Variants in GRIA4 observed in about 807,000 individuals in gnomAD.
GRIA4 encodes glutamate receptor 4.
Under a neutral mutation model 104.0 loss-of-function variants are expected in GRIA4, and 34 were observed. The ratio of observed to expected loss-of-function variants is 0.33; its 90% CI spans 0.25 to 0.44. The LOEUF is 0.44. Ranked by LOEUF, GRIA4 falls within the 20% of genes least tolerant of loss-of-function variation. GRIA4 has a pLI of 1.00. For missense variants in GRIA4, 750 were observed against 1,096.5 expected (o/e 0.68, Z 4.46); for synonymous variants, 386 against 381.9 (o/e 1.01, Z -0.13).
chr11:105,803,597 T>A (rs1317911310), intron 4 of GRIA4, among the ~76,000 whole-genome samples: 1 of 151,952 alleles, frequency 6.6e-6, no homozygotes, highest in Non-Finnish European at 1.5e-5. Flanking sequence ...TAGGCTCTTC[T>A]GAGAAATATT....
intron 14 of GRIA4, among the ~76,000 whole-genome samples, chr11:105,969,500 G>A (rs912795474): frequency 6.6e-6 from 1 of 152,114 alleles, no homozygotes; most frequent in African/African-American, 2.4e-5. Context: ...AGGCCAGAGG[G>A]AAAAAGAAGG....
chr11:105,651,159 G>C (rs1951675472), intron 3 of GRIA4, among the ~76,000 whole-genome samples: 1 of 152,034 alleles, frequency 6.6e-6, no homozygotes. Flanking sequence ...CTTCACAAAA[G>C]ATGAATTTTT....
At chr11:105,856,508 C>A (rs1389114438) in intron 4 of GRIA4, among the ~76,000 whole-genome samples, 2 of 152,056 alleles carry the variant, frequency 1.3e-5, no homozygotes, top group South Asian at 4.1e-4. Flanking sequence ...GGAGAGTTTC[C>A]TGAAGCCTCC....
At chr11:105,615,183 C>G (rs1343474211) in intron 3 of GRIA4, among the ~76,000 whole-genome samples, 1 of 150,994 alleles carries the variant, frequency 6.6e-6, no homozygotes, top group African/African-American at 2.4e-5. Flanking sequence ...AATGTATACT[C>G]AAAAAAAACA....
chr11:105,857,898 A>G (rs543044351), intron 4 of GRIA4, among the ~76,000 whole-genome samples: 1 of 152,292 alleles, frequency 6.6e-6, no homozygotes, highest in African/African-American at 2.4e-5. Flanking sequence ...AAACAAAAAC[A>G]TCAAATAAAT....
chr11:105,970,600 A>G (rs11226883), intron 14 of GRIA4, among the ~76,000 whole-genome samples: 41,685 of 152,138 alleles, frequency 0.27, 5,726 homozygotes, highest in Non-Finnish European at 0.29. Context: ...TTTAGCTGTC[A>G]TGATCACCAT....
chr11:105,753,582 C>A (rs971934974), intron 4 of GRIA4, among the ~76,000 whole-genome samples: 1 of 152,116 alleles, frequency 6.6e-6, no homozygotes, highest in Non-Finnish European at 1.5e-5. Context: ...AGCTAAGCGA[C>A]CCTCCAGAGC....
At chr11:105,761,657 CTATT>C (rs1417501494) in intron 4 of GRIA4, among the ~76,000 whole-genome samples, 3 of 152,142 alleles carry the variant, frequency 2.0e-5, no homozygotes, top group Non-Finnish European at 4.4e-5. Context: ...TAATAAAACT[CTATT>C]TATCAACACT....
rs191055089 is a variant in GRIA4 at position 105,831,333 on chromosome 11, C to T, written c.488-30691C>T. ...AGTGTGCAAGCACTTAGCAAATCTT[C>T]AATTGCATCTCTCTTAGCTCCATGT... On this transcript the variant is annotated intron_variant, in intron 4 of 16. Transcript: ENST00000282499. Among the ~76,000 whole-genome samples, 7 of 152,074 alleles carry T rather than the reference C, an allele frequency of 4.6e-5. No homozygotes were observed. The East Asian group carries it at 1.2e-3, about 25-fold the overall frequency.
rs368914519 is a variant in GRIA4, at chr11:105,783,636, T to C, written c.487+30416T>C. ...AACATAGTTGACATTTCAAAATACATTGGATATTTTTCACTCACAGACAGT... is the reference window on the plus strand; with the variant it reads ...AACATAGTTGACATTTCAAAATACACTGGATATTTTTCACTCACAGACAGT... On this transcript the variant is annotated intron_variant, in intron 4 of 16. Coordinates refer to ENST00000282499, the MANE Select transcript of GRIA4 (RefSeq NM_000829.4). Among the ~76,000 whole-genome samples the C allele has an allele frequency of 5.9e-5, 9 of 152,256 alleles. No homozygotes were observed. The East Asian group carries it at 1.7e-3, about 29-fold the overall frequency.
intron 4 of GRIA4, among the ~76,000 whole-genome samples, chr11:105,846,129 C>T (rs988597179): frequency 3.3e-5 from 5 of 152,098 alleles, no homozygotes; most frequent in African/African-American, 1.2e-4. Context: ...AGAAAAATTT[C>T]CTGACCTAAC....
At chr11:105,956,858 G>T (rs566827339) in intron 14 of GRIA4, among the ~76,000 whole-genome samples, 1 of 152,346 alleles carries the variant, frequency 6.6e-6, no homozygotes, top group East Asian at 1.9e-4. Flanking sequence ...CTGATGGCCA[G>T]TGATGATGAG....
chr11:105,920,451 T>C (rs1372574751), intron 11 of GRIA4, among the ~76,000 whole-genome samples: 1 of 152,142 alleles, frequency 6.6e-6, no homozygotes, highest in Non-Finnish European at 1.5e-5. Flanking sequence ...CAAAAAATCA[T>C]ACTTGGATTA....
intron 4 of GRIA4, among the ~76,000 whole-genome samples, chr11:105,764,613 T>C (rs1337710802): frequency 1.3e-5 from 2 of 152,114 alleles, no homozygotes; most frequent in African/African-American, 2.4e-5. Flanking sequence ...ACCCTGGAAA[T>C]CTATATTGAT....
At chr11:105,826,818 C>T (rs1315658513) in intron 4 of GRIA4, among the ~76,000 whole-genome samples, 1 of 151,974 alleles carries the variant, frequency 6.6e-6, no homozygotes. Context: ...AAGGAAGTCT[C>T]CTGTGCGAAA....
intron 3 of GRIA4, among the ~76,000 whole-genome samples, chr11:105,728,635 A>G (rs1441901027): frequency 6.6e-6 from 1 of 152,188 alleles, no homozygotes; most frequent in Non-Finnish European, 1.5e-5. Flanking sequence ...GCAAAATAAC[A>G]GAAATTATAA....
At position 105,628,492 on chromosome 11, in the gene GRIA4, G is replaced by C. The variant is rs565392410; in HGVS notation, c.247+16058G>C. Among the ~76,000 whole-genome samples the C allele has an allele frequency of 2.0e-5, 3 of 152,202 alleles. No individual in the cohort carries two copies. In the South Asian group the frequency reaches 6.2e-4, roughly 32 times the overall value. ...ATCATGGGAGTATGATAGTAAGTGAGTTCTCCTGAGATCTGATGGTTTTAT... is the reference window on the plus strand; with the variant it reads ...ATCATGGGAGTATGATAGTAAGTGACTTCTCCTGAGATCTGATGGTTTTAT... On this transcript the variant is annotated intron_variant, in intron 3 of 16. Coordinates refer to ENST00000282499, the MANE Select transcript of GRIA4 (RefSeq NM_000829.4).
intron 4 of GRIA4, among the ~76,000 whole-genome samples, chr11:105,798,133 C>T (rs919202170): frequency 1.3e-5 from 2 of 151,946 alleles, no homozygotes; most frequent in African/African-American, 4.8e-5. Flanking sequence ...ACAACACTTC[C>T]TATAGCCATG....
At chr11:105,777,058 AAC>A (rs148377966) in intron 4 of GRIA4, among the ~76,000 whole-genome samples, 6 of 151,968 alleles carry the variant, frequency 3.9e-5, no homozygotes, top group Non-Finnish European at 7.4e-5. Context: ...CCAGCACATA[AAC>A]ACACACACAC....
Sources: gnomAD v4.1 joint callset for allele counts (sites outside exome capture counted in the v4.1 genomes callset) on GRCh38, gnomAD v4.1.1 for gene constraint, MANE v1.5 for transcripts, NCBI Gene and HGNC (gene_info 2026-07-23, HGNC 2026-07-21) for gene names.